The following MRTFB variants were observed in gnomAD, a reference collection of about 807,000 sequenced individuals.
MRTFB encodes myocardin related transcription factor B, also known as myocardin-related transcription factor B.
Under a neutral mutation model 104.2 loss-of-function variants are expected in MRTFB, and 29 were observed. The observed-to-expected ratio is 0.28, with a 90% confidence interval of 0.21 to 0.38. The LOEUF (loss-of-function observed/expected upper bound fraction) is 0.38. MRTFB is among the 10% of genes least tolerant of loss of function. The pLI, the probability that MRTFB is intolerant of heterozygous loss-of-function variation, is 1.00. For missense variants in MRTFB, 1,270 were observed against 1,341.6 expected (o/e 0.95, Z 0.83); for synonymous variants, 535 against 519.5 (o/e 1.03, Z -0.41).
At chr16:14,084,803 TAATCA>T (rs1313233885) in intron 2 of MRTFB, among the ~76,000 whole-genome samples, 1 of 152,224 alleles carries the variant, frequency 6.6e-6, no homozygotes, top group African/African-American at 2.4e-5. Context: ...GATTTTATTT[TAATCA>T]AATAAGATTT....
chr16:14,050,981 G>T, the MRTFB span, among the ~76,000 whole-genome samples: 9 of 152,174 alleles, frequency 5.9e-5, no homozygotes, highest in South Asian at 1.5e-3. Flanking sequence ...CCGACTTATT[G>T]TTCTCCCTCT....
chr16:14,130,357 A>G (rs573965764), intron 2 of MRTFB, among the ~76,000 whole-genome samples: 18 of 152,212 alleles, frequency 1.2e-4, no homozygotes, highest in Non-Finnish European at 1.8e-4. Context: ...GTTTTTGACA[A>G]TTTTGTCCTG....
chr16:14,010,226 G>A, the MRTFB span, among the ~76,000 whole-genome samples: 1 of 152,136 alleles, frequency 6.6e-6, no homozygotes, highest in African/African-American at 2.4e-5. Flanking sequence ...CCCCAACAAG[G>A]TCCAGGCAGT....
intron 9 of MRTFB, among the ~76,000 whole-genome samples, chr16:14,235,006 T>A (rs1260732810): frequency 6.6e-6 from 1 of 152,150 alleles, no homozygotes; most frequent in Non-Finnish European, 1.5e-5. Flanking sequence ...GATATTACAG[T>A]TAGCTAACTT....
chr16:14,079,326 C>T lies in MRTFB; in HGVS notation c.-92C>T, dbSNP rs2034258914. On this transcript the variant is annotated 5_prime_UTR_variant, in exon 2 of 17. Coordinates refer to ENST00000571589, the MANE Select transcript of MRTFB (RefSeq NM_001308142.2). ...AGGTGCTAAGAAAGAGAATGTAAGA[C>T]AGGAAAATAATTAAATATTCTTACC... The T allele has an allele frequency of 2.8e-6, 1 of 352,030 alleles. No individual in the cohort carries two copies. The highest frequency in any genetic ancestry group is 5.2e-6 in the Non-Finnish European group (1 of 193,676). The allele number at this position is 352,030 out of a possible 1,614,324, so 21.8% of individuals were successfully genotyped here. A position where few individuals can be genotyped will look rare whatever the true frequency, so the allele number is the denominator to read the frequency against.
At chr16:14,132,263 G>A (rs1271252923) in intron 2 of MRTFB, among the ~76,000 whole-genome samples, 1 of 152,028 alleles carries the variant, frequency 6.6e-6, no homozygotes, top group Non-Finnish European at 1.5e-5. Context: ...GTGGTTGCCA[G>A]GGTCTGAGGG....
In MRTFB at chr16:14,076,449, C is replaced by T. The variant is rs567814382; in HGVS notation, c.-128-2841C>T. On this transcript the variant is annotated intron_variant, in intron 1 of 16. Coordinates refer to ENST00000571589, the MANE Select transcript of MRTFB (RefSeq NM_001308142.2). The stretch of plus-strand genomic sequence containing the variant: ...ACCTCAGGTTATCCACCTGCATCGG[C>T]CTCCCAAAGGGCTGGGATTACAGGC... 9.8e-5 allele frequency among the ~76,000 whole-genome samples: 15 copies of T among 152,296 alleles called. No individual in the cohort carries two copies. The East Asian group carries it at 2.5e-3, about 25-fold the overall frequency.
intron 3 of MRTFB, chr16:14,200,016 A>G: frequency 2.7e-6 from 1 of 366,788 alleles, no homozygotes; most frequent in Non-Finnish European, 4.9e-6. Context: ...ATTGTGGGGA[A>G]GGGGAAAAAT....
At chr16:14,061,698 A>G in the MRTFB span, among the ~76,000 whole-genome samples, 1 of 151,854 alleles carries the variant, frequency 6.6e-6, no homozygotes, top group Non-Finnish European at 1.5e-5. Flanking sequence ...GAGCTAGGCA[A>G]GTAATGGAAC....
the MRTFB span, among the ~76,000 whole-genome samples, chr16:14,065,223 G>A: frequency 6.6e-6 from 1 of 152,086 alleles, no homozygotes; most frequent in African/African-American, 2.4e-5. Flanking sequence ...TGTGGCTATT[G>A]CAAATGTGAT....
chr16:14,124,286 A>T (rs978060116), intron 2 of MRTFB, among the ~76,000 whole-genome samples: 4 of 152,220 alleles, frequency 2.6e-5, no homozygotes, highest in African/African-American at 9.7e-5. Flanking sequence ...CTCTGGCCAG[A>T]ACTTCCAATA....
At chr16:14,130,491 A>T (rs1248844350) in intron 2 of MRTFB, among the ~76,000 whole-genome samples, 1 of 152,174 alleles carries the variant, frequency 6.6e-6, no homozygotes, top group African/African-American at 2.4e-5. Context: ...GATGTTGGCA[A>T]ATTTTTCTCC....
chr16:14,243,283 C>T (rs565415080), intron 10 of MRTFB, among the ~76,000 whole-genome samples: 51 of 152,240 alleles, frequency 3.3e-4, no homozygotes, highest in Non-Finnish European at 2.2e-4. Context: ...TAGAAGACCC[C>T]AAAATGAATG....
At chr16:14,017,705 ATATATATTTTTT>A in the MRTFB span, among the ~76,000 whole-genome samples, 8 of 28,274 alleles carry the variant, frequency 2.8e-4, 1 homozygote, top group Admixed American at 1.3e-3. Context: ...ATATATATAT[ATATATATTTTTT>A]TTTTTTTTTT....
intron 3 of MRTFB, 22 bp from the exon 4 acceptor site, chr16:14,210,221 G>C: frequency 6.2e-7 from 1 of 1,605,986 alleles, no homozygotes; most frequent in Non-Finnish European, 8.5e-7. Flanking sequence ...AAACTCCAAT[G>C]GTGATTATTT....
At chr16:14,234,686 T>G (rs2042417347) in intron 9 of MRTFB, among the ~76,000 whole-genome samples, 1 of 152,066 alleles carries the variant, frequency 6.6e-6, no homozygotes, top group Non-Finnish European at 1.5e-5. Flanking sequence ...TCTCAGCTAC[T>G]CAGGAGGCTG....
chr16:14,090,192 C>T lies in MRTFB; in HGVS notation c.-64+10838C>T, dbSNP rs189370838. Among the ~76,000 whole-genome samples the T allele has an allele frequency of 1.7e-3, 253 of 152,284 alleles. 1 individual carries two copies. Among genetic ancestry groups the T allele is most frequent in the Middle Eastern group, 3.4e-3 (1 of 292 alleles). Reference sequence around the variant, plus strand: ...TTGTTTTGGTTGCTTGTGCCATTCTCTCTCTGTTGGAAATTTTCTTTATTT... The same window carrying T: ...TTGTTTTGGTTGCTTGTGCCATTCTTTCTCTGTTGGAAATTTTCTTTATTT... On this transcript the variant is annotated intron_variant, in intron 2 of 16. Transcript: ENST00000571589.
intron 13 of MRTFB, among the ~76,000 whole-genome samples, chr16:14,250,316 T>TA (rs1292971491): frequency 6.6e-6 from 1 of 152,242 alleles, no homozygotes; most frequent in African/African-American, 2.4e-5. Context: ...ATATTAGTGG[T>TA]ATAGAACGTG....
chr16:14,242,768 G>C (rs889956516), intron 10 of MRTFB, among the ~76,000 whole-genome samples: 1 of 151,898 alleles, frequency 6.6e-6, no homozygotes, highest in Admixed American at 6.6e-5. Context: ...CTATTGATTT[G>C]GGAGAAAAAT....
Sources: allele counts gnomAD v4.1 joint callset (sites outside exome capture counted in the v4.1 genomes callset), GRCh38; gene constraint gnomAD v4.1.1; transcripts MANE v1.5; gene names NCBI Gene and HGNC (gene_info 2026-07-23, HGNC 2026-07-21).